Variants in TFDP2 observed in about 807,000 individuals in gnomAD.
TFDP2 encodes the protein transcription factor Dp-2 (E2F dimerization partner 2).
Under a neutral mutation model 59.3 loss-of-function variants are expected in TFDP2, and 17 were observed. That is an observed-to-expected ratio of 0.29 (90% CI 0.20 to 0.43). The LOEUF is 0.43. Among genes scored for constraint, TFDP2 ranks in the 20% least tolerant of loss-of-function variants. The pLI, the probability that TFDP2 is intolerant of heterozygous loss-of-function variation, is 1.00. For synonymous variants in TFDP2, 180 were observed against 194.7 expected (o/e 0.92, Z 0.63); for missense variants, 391 against 528.8 (o/e 0.74, Z 2.56).
At chr3:142,098,110 T>C (rs549468932) in intron 2 of TFDP2, among the ~76,000 whole-genome samples, 2 of 152,116 alleles carry the variant, frequency 1.3e-5, no homozygotes, top group South Asian at 4.1e-4. Flanking sequence ...ACATTTTGAT[T>C]GCTACATATA....
intron 6 of TFDP2, among the ~76,000 whole-genome samples, chr3:141,981,720 G>C (rs1279298826): frequency 6.6e-6 from 1 of 152,122 alleles, no homozygotes; most frequent in African/African-American, 2.4e-5. Flanking sequence ...GCAGATTTTG[G>C]AATCAGAATT....
At chr3:141,987,031 T>C (rs1237128740) in intron 6 of TFDP2, among the ~76,000 whole-genome samples, 1 of 152,184 alleles carries the variant, frequency 6.6e-6, no homozygotes, top group Non-Finnish European at 1.5e-5. Flanking sequence ...TGTCTGTAGA[T>C]TCTTTTGTTT....
chr3:141,963,179 G>C (rs1239717754), intron 10 of TFDP2, among the ~76,000 whole-genome samples: 1 of 152,082 alleles, frequency 6.6e-6, no homozygotes, highest in African/African-American at 2.4e-5. Context: ...ACCACTGAGA[G>C]AAACTTTTTC....
At chr3:142,057,805 T>C (rs1166979698) in intron 3 of TFDP2, among the ~76,000 whole-genome samples, 1 of 152,194 alleles carries the variant, frequency 6.6e-6, no homozygotes, top group African/African-American at 2.4e-5. Flanking sequence ...CGCTAGAAGT[T>C]TTCCTCTTTG....
intron 6 of TFDP2, among the ~76,000 whole-genome samples, chr3:141,982,406 T>C (rs1941590026): frequency 1.3e-5 from 2 of 151,974 alleles, no homozygotes; most frequent in Admixed American, 1.3e-4. Context: ...AAAAGACTAC[T>C]CAAGTAGTCT....
intron 3 of TFDP2, among the ~76,000 whole-genome samples, chr3:142,035,535 T>C (rs766889271): frequency 6.6e-6 from 1 of 152,180 alleles, no homozygotes; most frequent in Non-Finnish European, 1.5e-5. Context: ...TGAGAAAACG[T>C]AGGCTTACTA....
rs377110493 is a variant in TFDP2, at chr3:141,952,577, G to T, written c.1277C>A (p.Thr426Asn). The T allele has an allele frequency of 6.4e-7, 1 of 1,569,494 alleles. No homozygotes were observed. The change falls in exon 13 of 13, where the codon ACC becomes AAC. Residue 426 changes from threonine to asparagine, a missense_variant. Physicochemically the swap from Thr to Asn is moderately conservative, Grantham distance 65. Transcript: ENST00000489671. ...ASHCSESRGE[T>N]PCSFNDEDEE... ...ATCTTCATCATTGAACGAACAGGGG[G>T]TCTCGCCTCGGGACTCGGAGCAGTG...
At chr3:142,080,508 C>G (rs556669996) in intron 3 of TFDP2, among the ~76,000 whole-genome samples, 38 of 152,074 alleles carry the variant, frequency 2.5e-4, no homozygotes, top group Non-Finnish European at 2.6e-4. Flanking sequence ...TCAACAATAA[C>G]ATCGAATGAA....
intron 3 of TFDP2, among the ~76,000 whole-genome samples, chr3:142,028,300 T>C (rs1946235585): frequency 6.6e-6 from 1 of 152,178 alleles, no homozygotes; most frequent in African/African-American, 2.4e-5. Flanking sequence ...CCTCAACTGC[T>C]GCTTTAGTTC....
intron 3 of TFDP2, among the ~76,000 whole-genome samples, chr3:142,033,128 G>C (rs1024226774): frequency 1.3e-5 from 2 of 152,192 alleles, no homozygotes; most frequent in Non-Finnish European, 2.9e-5. Context: ...CCAGGAGGCA[G>C]AGGTTGCAGT....
At chr3:142,046,014 T>C (rs1422591698) in intron 3 of TFDP2, among the ~76,000 whole-genome samples, 1 of 152,188 alleles carries the variant, frequency 6.6e-6, no homozygotes, top group Non-Finnish European at 1.5e-5. Flanking sequence ...TAAAGATCCC[T>C]TTGAGGATCA....
In TFDP2 at chr3:142,026,961, G is replaced by A. The variant is rs571672639; in HGVS notation, c.83-21417C>T. Among the ~76,000 whole-genome samples the A allele has an allele frequency of 3.9e-5, 6 of 152,252 alleles. 1 individual carries two copies. The highest frequency in any genetic ancestry group is 1.4e-4 in the African/African-American group (6 of 41,556). ...CATATTTCTTATGCAAAGGTCTTAG[G>A]AATAAGCCTCAGCTTCTCACAGAAG... On this transcript the variant is annotated intron_variant, in intron 3 of 12. Coordinates refer to ENST00000489671, the MANE Select transcript of TFDP2 (RefSeq NM_001178139.2).
intron 3 of TFDP2, among the ~76,000 whole-genome samples, chr3:142,020,726 A>G (rs905607848): frequency 7.3e-5 from 11 of 151,438 alleles, no homozygotes; most frequent in Admixed American, 6.6e-5. Context: ...ACTCATGCCT[A>G]CAGTTCCAGC....
chr3:142,076,210 CAAAAA>C (rs56018016), intron 3 of TFDP2, among the ~76,000 whole-genome samples: 2 of 112,144 alleles, frequency 1.8e-5, no homozygotes, highest in Non-Finnish European at 1.9e-5. Flanking sequence ...GACTCCGTCT[CAAAAA>C]AAAAAAAAAA....
intron 3 of TFDP2, among the ~76,000 whole-genome samples, chr3:142,060,828 GCTT>G (rs2059894940): frequency 6.6e-6 from 1 of 152,122 alleles, no homozygotes; most frequent in Non-Finnish European, 1.5e-5. Context: ...TCTGGGTAGT[GCTT>G]TACAAATATT....
intron 1 of TFDP2, among the ~76,000 whole-genome samples, chr3:142,111,181 C>T (rs2061645035): frequency 6.6e-6 from 1 of 152,146 alleles, no homozygotes; most frequent in Non-Finnish European, 1.5e-5. Flanking sequence ...GTAATCCCAG[C>T]ACTTTGGGAG....
At position 142,110,503 on chromosome 3, in the gene TFDP2, C is replaced by CA. The variant is rs539385451; in HGVS notation, c.-92-8663dup. ...TGGGCGACAGAACGAGACTCTGTCT[C>CA]AAAAAAAAAACAAAAAAAAGCTCAG... On this transcript the variant is annotated intron_variant, in intron 1 of 12. Coordinates refer to ENST00000489671, the MANE Select transcript of TFDP2 (RefSeq NM_001178139.2). 4.6e-3 allele frequency among the ~76,000 whole-genome samples: 541 copies of CA among 117,472 alleles called. 2 individuals carry two copies. The highest frequency in any genetic ancestry group is 0.02 in the South Asian group (75 of 3,754). 77.1% of individuals were successfully genotyped at this position (117,472 alleles called of 152,430 possible).
chr3:141,975,938 T>C (rs372248017), intron 7 of TFDP2, among the ~76,000 whole-genome samples: 1 of 152,174 alleles, frequency 6.6e-6, no homozygotes. Context: ...TGGAGTGCAG[T>C]GGTGAGATCT....
intron 1 of TFDP2, among the ~76,000 whole-genome samples, chr3:142,125,502 G>A (rs75511270): frequency 0.042 from 6,370 of 151,374 alleles, 146 homozygotes; most frequent in South Asian, 0.061. Context: ...ACACACACAC[G>A]CACACACACA....
Sources: gnomAD v4.1 joint callset for allele counts (sites outside exome capture counted in the v4.1 genomes callset) on GRCh38, gnomAD v4.1.1 for gene constraint, MANE v1.5 for transcripts, NCBI Gene and HGNC (gene_info 2026-07-23, HGNC 2026-07-21) for gene names.